Variants in SPPL3 observed in about 807,000 individuals in gnomAD.
SPPL3 encodes signal peptide peptidase-like 3.
A neutral mutation model predicts 42.4 loss-of-function variants in SPPL3; 5 were observed. That is an observed-to-expected ratio of 0.12 (90% confidence interval 0.06 to 0.25). The LOEUF (loss-of-function observed/expected upper bound fraction) is 0.25, where lower values mean the gene tolerates loss of function less well. Among genes scored for constraint, SPPL3 ranks in the 10% least tolerant of loss-of-function variants. SPPL3 has a pLI of 1.00. For missense variants in SPPL3, 235 were observed against 489.0 expected, an observed-to-expected ratio of 0.48 and a Z score of 4.90; for synonymous variants, 195 against 181.8, an observed-to-expected ratio of 1.07 and a Z score of -0.58.
chr12:120,857,220 T>C (rs983815277), intron 1 of SPPL3, among the ~76,000 whole-genome samples: 4 of 152,194 alleles, frequency 2.6e-5, no homozygotes, highest in African/African-American at 9.7e-5. Context: ...TCCTGCCCAC[T>C]TCTCTCTCTC....
chr12:120,842,811 TG>T (rs1468378970), intron 1 of SPPL3, among the ~76,000 whole-genome samples: 1 of 151,750 alleles, frequency 6.6e-6, no homozygotes, highest in East Asian at 1.9e-4. Context: ...AGGAATTGGG[TG>T]GGTGGAGGGA....
At chr12:120,886,575 T>C (rs1034417450) in intron 1 of SPPL3, among the ~76,000 whole-genome samples, 1 of 152,138 alleles carries the variant, frequency 6.6e-6, no homozygotes, top group African/African-American at 2.4e-5. Flanking sequence ...CTGGTACATC[T>C]CTAATGAGGA....
intron 2 of SPPL3, among the ~76,000 whole-genome samples, chr12:120,797,096 G>A (rs761013571): frequency 6.6e-6 from 1 of 152,192 alleles, no homozygotes; most frequent in Non-Finnish European, 1.5e-5. Context: ...GAACCCGGGA[G>A]GTGGAGGTGG....
intron 1 of SPPL3, chr12:120,811,273 T>C: frequency 6.4e-6 from 1 of 157,194 alleles, no homozygotes; most frequent in Non-Finnish European, 1.4e-5. Context: ...AATAGTATTT[T>C]ACTGGTTTTG....
chr12:120,885,849 CTTTTTTTTT>C (rs142907503), intron 1 of SPPL3, among the ~76,000 whole-genome samples: 4 of 121,598 alleles, frequency 3.3e-5, no homozygotes, highest in African/African-American at 9.4e-5. Flanking sequence ...AACATTAAAA[CTTTTTTTTT>C]TTTTTTTTTT....
At chr12:120,843,901 C>T (rs536789110) in intron 1 of SPPL3, among the ~76,000 whole-genome samples, 2 of 152,150 alleles carry the variant, frequency 1.3e-5, no homozygotes, top group South Asian at 2.1e-4. Flanking sequence ...GAGGTTGCAG[C>T]GAGCCAGGGT....
intron 1 of SPPL3, among the ~76,000 whole-genome samples, chr12:120,896,079 T>C (rs7313532): frequency 0.088 from 13,460 of 152,216 alleles, 1,745 homozygotes; most frequent in African/African-American, 0.29. Flanking sequence ...CTATCCATGC[T>C]GGAACTCCAA....
intron 3 of SPPL3, among the ~76,000 whole-genome samples, chr12:120,790,826 C>CTTT (rs35743748): frequency 6.8e-6 from 1 of 147,076 alleles, no homozygotes; most frequent in Admixed American, 6.7e-5. Flanking sequence ...TATCTTGGCA[C>CTTT]TTTTTTTTTT....
chr12:120,766,570 CAT>C (rs1305908266), intron 9 of SPPL3, among the ~76,000 whole-genome samples, 198 bp from the exon 10 acceptor site: 2 of 152,246 alleles, frequency 1.3e-5, no homozygotes, highest in East Asian at 3.8e-4. Context: ...TCCAAGGACA[CAT>C]GACTGACCCA....
chr12:120,766,246 A>T lies in SPPL3; in HGVS notation c.1083+17T>A. Reference sequence around the variant, plus strand: ...TCCAAGTTATTGCTTTCACAGGTTTATAACTGCTGCTCTCACCTTTAAATA... The same window carrying T: ...TCCAAGTTATTGCTTTCACAGGTTTTTAACTGCTGCTCTCACCTTTAAATA... On this transcript the variant is annotated intron_variant, in intron 10 of 10. Transcript: ENST00000353487. 2.6e-6 allele frequency: 4 copies of T among 1,554,448 alleles called. No individual in the cohort carries two copies. The highest frequency in any genetic ancestry group is 3.5e-6 in the Non-Finnish European group (4 of 1,147,284).
chr12:120,873,767 G>A (rs1026765770), intron 1 of SPPL3, among the ~76,000 whole-genome samples: 3 of 151,952 alleles, frequency 2.0e-5, no homozygotes, highest in Non-Finnish European at 4.4e-5. Flanking sequence ...AGCTACTCAG[G>A]AGGCTGAGGC....
chr12:120,825,866 C>T (rs1057455427), intron 1 of SPPL3, among the ~76,000 whole-genome samples: 27 of 151,716 alleles, frequency 1.8e-4, no homozygotes, highest in African/African-American at 6.0e-4. Context: ...GTGATCAAGT[C>T]TAGGTTAGTA....
intron 6 of SPPL3, among the ~76,000 whole-genome samples, chr12:120,775,592 G>A (rs1869284217): frequency 6.6e-6 from 1 of 152,190 alleles, no homozygotes; most frequent in African/African-American, 2.4e-5. Context: ...CCTGAACTAG[G>A]CAGGGGATAG....
At chr12:120,880,888 A>G (rs1593009287) in intron 1 of SPPL3, among the ~76,000 whole-genome samples, 2 of 152,218 alleles carry the variant, frequency 1.3e-5, no homozygotes, top group East Asian at 1.9e-4. Context: ...CAGCCAAAAA[A>G]AAAAATGGAC....
At chr12:120,884,212 G>C (rs1250192541) in intron 1 of SPPL3, among the ~76,000 whole-genome samples, 1 of 152,090 alleles carries the variant, frequency 6.6e-6, no homozygotes, top group Non-Finnish European at 1.5e-5. Context: ...AGGGGACAGA[G>C]GCATGAGGAA....
intron 1 of SPPL3, among the ~76,000 whole-genome samples, chr12:120,899,352 CAGT>C (rs1873902469): frequency 6.6e-6 from 1 of 152,176 alleles, no homozygotes; most frequent in Admixed American, 6.5e-5. Flanking sequence ...ATTTTTCACT[CAGT>C]AGCATCCTCC....
intron 6 of SPPL3, among the ~76,000 whole-genome samples, chr12:120,774,011 A>G (rs1241723788): frequency 1.3e-5 from 2 of 152,182 alleles, no homozygotes; most frequent in Admixed American, 6.5e-5. Context: ...TTTGTCATTC[A>G]TCTCATGCTA....
intron 2 of SPPL3, among the ~76,000 whole-genome samples, chr12:120,809,340 G>A (rs558807997): frequency 1.3e-4 from 20 of 150,334 alleles, no homozygotes; most frequent in African/African-American, 3.7e-4. Context: ...GTGAGACTCC[G>A]TCTCAAAAAA....
At chr12:120,796,332 C>T (rs574716783) in intron 2 of SPPL3, among the ~76,000 whole-genome samples, 37 of 152,196 alleles carry the variant, frequency 2.4e-4, no homozygotes, top group African/African-American at 8.2e-4. Flanking sequence ...GCTGAGATCA[C>T]GCCACTGCAC....
Sources: allele counts gnomAD v4.1 joint callset (sites outside exome capture counted in the v4.1 genomes callset), GRCh38; gene constraint gnomAD v4.1.1; transcripts MANE v1.5; gene names NCBI Gene and HGNC (gene_info 2026-07-23, HGNC 2026-07-21).